Variants in PNPLA8 observed in about 807,000 individuals in gnomAD.
The protein encoded by PNPLA8 is calcium-independent phospholipase A2-gamma.
A neutral mutation model predicts 76.9 loss-of-function variants in PNPLA8; 39 were observed. The observed-to-expected ratio is 0.51, with a 90% CI of 0.39 to 0.66. PNPLA8 has a LOEUF of 0.66. PNPLA8 is among the 30% of genes least tolerant of loss of function. The pLI is 0.00. For missense variants in PNPLA8, 887 were observed against 918.0 expected (o/e 0.97, Z 0.44); for synonymous variants, 301 against 307.9 (o/e 0.98, Z 0.24).
chr7:108,497,732 A>C (rs774186128), intron 5 of PNPLA8, among the ~76,000 whole-genome samples, 155 bp from the exon 6 acceptor site: 13 of 152,136 alleles, frequency 8.5e-5, no homozygotes, highest in Non-Finnish European at 1.3e-4. Context: ...TGCCTGTCCA[A>C]ATTTTTAGTA....
rs774694055 is a variant in PNPLA8 at position 108,472,704 on chromosome 7, G to A, written c.2075-29C>T. 3.3e-6 allele frequency: 5 copies of A among 1,511,184 alleles called. No homozygotes were observed. In the East Asian group the frequency reaches 1.2e-4, roughly 35 times the overall value. The allele number at this position is 1,511,184 out of a possible 1,614,324, so 93.6% of individuals were successfully genotyped here. ...TTAAAGCAAAAAAGAAAAGGATAAG[G>A]GGATAAGAAAAGAGGGGATAAAGTG... On this transcript the variant is annotated intron_variant, in intron 10 of 10. Transcript: ENST00000257694.
At chr7:108,517,344 G>A (rs959350847) in intron 2 of PNPLA8, among the ~76,000 whole-genome samples, 6 of 152,136 alleles carry the variant, frequency 3.9e-5, no homozygotes, top group African/African-American at 1.2e-4. Flanking sequence ...AAGATAGTTC[G>A]GTAGCTTCTT....
intron 1 of PNPLA8, among the ~76,000 whole-genome samples, chr7:108,524,403 A>G (rs1863943110): frequency 6.6e-6 from 1 of 152,160 alleles, no homozygotes; most frequent in Non-Finnish European, 1.5e-5. Flanking sequence ...ACTCTAAAGG[A>G]AACAAAACAG....
intron 9 of PNPLA8, among the ~76,000 whole-genome samples, chr7:108,484,752 T>C (rs1291876240): frequency 3.9e-5 from 6 of 152,194 alleles, no homozygotes; most frequent in Non-Finnish European, 5.9e-5. Flanking sequence ...TTTTACCTCA[T>C]TCTATAACTG....
chr7:108,512,634 G>C (rs370445952), intron 4 of PNPLA8, among the ~76,000 whole-genome samples: 154 of 152,166 alleles, frequency 1.0e-3, no homozygotes, highest in African/African-American at 3.5e-3. Flanking sequence ...CTCAACTCTT[G>C]ATAATAACAA....
At chr7:108,500,113 T>G (rs1293226008) in intron 5 of PNPLA8, among the ~76,000 whole-genome samples, 2 of 152,214 alleles carry the variant, frequency 1.3e-5, no homozygotes, top group African/African-American at 4.8e-5. Context: ...GTTTGCTCAC[T>G]GTCCCCAGGA....
rs534327589 is a variant in PNPLA8 at position 108,504,829 on chromosome 7, C to A, written c.1207-2187G>T. Reference sequence around the variant, plus strand: ...TGGTGACTCACGCCTGTAATCCCAGCACTTTGGGAAGCCGAGGTGGGTGGA... The same window carrying A: ...TGGTGACTCACGCCTGTAATCCCAGAACTTTGGGAAGCCGAGGTGGGTGGA... On this transcript the variant is annotated intron_variant, in intron 4 of 10. Transcript: ENST00000257694. Among the ~76,000 whole-genome samples, 145 of 152,222 alleles carry A rather than the reference C, an allele frequency of 9.5e-4. 1 individual carries two copies. The highest frequency in any genetic ancestry group is 4.8e-3 in the Admixed American group (74 of 15,292).
intron 4 of PNPLA8, among the ~76,000 whole-genome samples, chr7:108,507,236 G>A (rs1243156427): frequency 6.6e-6 from 1 of 151,154 alleles, no homozygotes; most frequent in Non-Finnish European, 1.5e-5. Context: ...CCAGCTACTC[G>A]GGAGGCTGAG....
chr7:108,514,055 A>C, intron 4 of PNPLA8, 89 bp downstream of exon 4: 1 of 881,740 alleles, frequency 1.1e-6, no homozygotes, highest in East Asian at 2.4e-5. Flanking sequence ...ATTCAAATGG[A>C]AAAATGAAAG....
intron 2 of PNPLA8, among the ~76,000 whole-genome samples, chr7:108,516,325 A>C (rs1232965353): frequency 1.3e-5 from 2 of 152,250 alleles, no homozygotes; most frequent in African/African-American, 2.4e-5. Flanking sequence ...AAATACAGTT[A>C]ATTGATCTTT....
chr7:108,499,057 G>T (rs1002532103), intron 5 of PNPLA8, among the ~76,000 whole-genome samples: 7 of 152,144 alleles, frequency 4.6e-5, no homozygotes, highest in Non-Finnish European at 8.8e-5. Flanking sequence ...GATATCTTAT[G>T]AAAGAGGTAC....
At chr7:108,503,363 G>A (rs964767231) in intron 4 of PNPLA8, among the ~76,000 whole-genome samples, 1 of 152,140 alleles carries the variant, frequency 6.6e-6, no homozygotes, top group African/African-American at 2.4e-5. Context: ...ATTCTGCTGT[G>A]CAACCTTCTG....
In PNPLA8 at chr7:108,514,180, A is replaced by G; in HGVS notation, c.1170T>C (p.Leu390=). 1 of 1,607,862 alleles carries G rather than the reference A, an allele frequency of 6.2e-7. No homozygotes were observed. Among genetic ancestry groups the G allele is most frequent in the Non-Finnish European group, 8.5e-7 (1 of 1,175,590 alleles). The change falls in exon 4 of 11, where the codon CTT becomes CTC. Residue 390 remains leucine, a synonymous_variant. Coordinates refer to ENST00000257694, the MANE Select transcript of PNPLA8 (RefSeq NM_001256007.3). ...ITRVEELTFH[L]LEFPEGKGVA... is the part of the protein sequence containing the mutation. ...CTCCTTTTCCTTCAGGAAATTCTAG[A>G]AGATGAAAAGTCAGTTCTTCAACCC...
At chr7:108,474,357 A>G (rs1036374457) in intron 10 of PNPLA8, among the ~76,000 whole-genome samples, 6 of 152,210 alleles carry the variant, frequency 3.9e-5, no homozygotes, top group African/African-American at 7.2e-5. Flanking sequence ...CACACCTTCC[A>G]GTAAGCATTG....
chr7:108,499,611 A>G (rs1213616653), intron 5 of PNPLA8, among the ~76,000 whole-genome samples: 1 of 152,186 alleles, frequency 6.6e-6, no homozygotes. Context: ...GTTTAGTCAC[A>G]ACTGTCCTCT....
chr7:108,476,773 TATATAC>T (rs1860023444), intron 10 of PNPLA8, among the ~76,000 whole-genome samples: 1 of 152,076 alleles, frequency 6.6e-6, no homozygotes, highest in African/African-American at 2.4e-5. Context: ...GGAATTACAG[TATATAC>T]ACACACACAA....
At chr7:108,506,568 CTA>C (rs2154516208) in intron 4 of PNPLA8, among the ~76,000 whole-genome samples, 1 of 152,176 alleles carries the variant, frequency 6.6e-6, no homozygotes, top group African/African-American at 2.4e-5. Flanking sequence ...AAACGAAGAC[CTA>C]TGTTTTCCAA....
At chr7:108,472,823 G>T in intron 10 of PNPLA8, 148 bp from the exon 11 acceptor site, 2 of 545,774 alleles carry the variant, frequency 3.7e-6, no homozygotes, top group Non-Finnish European at 3.1e-6. Flanking sequence ...ACTGACAGTA[G>T]AAGTAATCCA....
At chr7:108,483,991 T>A (rs922942041) in intron 9 of PNPLA8, among the ~76,000 whole-genome samples, 2 of 152,246 alleles carry the variant, frequency 1.3e-5, no homozygotes, top group Non-Finnish European at 2.9e-5. Context: ...GTGTAACTTC[T>A]AATCAAGTAG....
Sources: gnomAD v4.1 joint callset for allele counts (sites outside exome capture counted in the v4.1 genomes callset) on GRCh38, gnomAD v4.1.1 for gene constraint, MANE v1.5 for transcripts, NCBI Gene and HGNC (gene_info 2026-07-23, HGNC 2026-07-21) for gene names.